CHD6: variants seen among roughly 807,000 people sequenced by gnomAD.
CHD6 encodes the protein chromodomain helicase DNA binding protein 6, also known as ATP-dependent chromatin remodeler CHD6.
In CHD6, 50 loss-of-function variants were observed where a neutral mutation model predicts 276.9. That is an observed-to-expected ratio of 0.18 (90% confidence interval 0.14 to 0.23). CHD6 has a LOEUF of 0.23. Among genes scored for constraint, CHD6 ranks in the 10% least tolerant of loss-of-function variants. CHD6 has a pLI of 1.00. For synonymous variants in CHD6, 1,173 were observed against 1,229.3 expected, an observed-to-expected ratio of 0.95 and a Z score of 0.96; for missense variants, 2,564 against 3,365.8, an observed-to-expected ratio of 0.76 and a Z score of 5.89.
At chr20:41,537,222 C>T (rs1251828708) in intron 2 of CHD6, among the ~76,000 whole-genome samples, 1 of 152,142 alleles carries the variant, frequency 6.6e-6, no homozygotes, top group Non-Finnish European at 1.5e-5. Flanking sequence ...CAAGAAAGTA[C>T]AGTTGGCCCT....
intron 2 of CHD6, among the ~76,000 whole-genome samples, chr20:41,540,680 T>C (rs995037639): frequency 3.9e-5 from 6 of 152,118 alleles, no homozygotes; most frequent in African/African-American, 1.2e-4. Flanking sequence ...CCAACCCAAG[T>C]AGTGAGCAAG....
intron 1 of CHD6, among the ~76,000 whole-genome samples, chr20:41,580,250 C>T (rs920739724): frequency 6.6e-6 from 1 of 152,114 alleles, no homozygotes; most frequent in African/African-American, 2.4e-5. Flanking sequence ...CCTTTGTATC[C>T]TTTCTTGTTG....
chr20:41,579,800 GATATAT>G lies in CHD6; in HGVS notation c.-23-28446_-23-28441del, dbSNP rs750775267. 2.0e-5 allele frequency among the ~76,000 whole-genome samples: 3 copies of G among 152,042 alleles called. No individual in the cohort carries two copies. In the South Asian group the frequency reaches 6.2e-4, roughly 32 times the overall value. On this transcript the variant is annotated intron_variant, in intron 1 of 36. Coordinates refer to ENST00000373233, the MANE Select transcript of CHD6 (RefSeq NM_032221.5). ...ACCACTAAAACATGTTTTTAAACAT[GATATAT>G]ATATTTCTAAGAGTTCAACAGCTTG... is the stretch of plus-strand genomic sequence containing the variant.
chr20:41,534,572 A>G (rs955301201), intron 2 of CHD6, among the ~76,000 whole-genome samples: 2 of 141,200 alleles, frequency 1.4e-5, no homozygotes, highest in South Asian at 4.5e-4. Context: ...GAAAGGAAAG[A>G]TTTTTGGGGG....
At chr20:41,429,041 T>C (rs562813336) in intron 27 of CHD6, among the ~76,000 whole-genome samples, 5 of 152,338 alleles carry the variant, frequency 3.3e-5, no homozygotes, top group Admixed American at 6.5e-5. Flanking sequence ...CTGCAAGTTC[T>C]TGGCCATGAC....
At chr20:41,612,433 G>A (rs1014011907) in intron 1 of CHD6, among the ~76,000 whole-genome samples, 4 of 152,090 alleles carry the variant, frequency 2.6e-5, no homozygotes, top group Non-Finnish European at 5.9e-5. Context: ...TATTATACCA[G>A]GTTTGCTTAA....
rs904813739 is a variant in CHD6, at chr20:41,602,694, T to C, written c.-24+15646A>G. Among the ~76,000 whole-genome samples, 63 of 152,176 alleles carry C rather than the reference T, an allele frequency of 4.1e-4. 1 individual carries two copies. The highest frequency in any genetic ancestry group is 1.4e-3 in the African/African-American group (60 of 41,434). On this transcript the variant is annotated intron_variant, in intron 1 of 36. Transcript: ENST00000373233. ...CCAGAATTTTAAAAGGACAATTTTA[T>C]AGCATGTAAATTATATTTCAGTAAA...
chr20:41,430,598 G>C (rs1244345957), intron 27 of CHD6, among the ~76,000 whole-genome samples: 1 of 152,204 alleles, frequency 6.6e-6, no homozygotes, highest in Non-Finnish European at 1.5e-5. Flanking sequence ...GTGATCTAGT[G>C]GTTGTGAGAA....
intron 1 of CHD6, among the ~76,000 whole-genome samples, chr20:41,590,104 G>C (rs1012211506): frequency 6.6e-6 from 1 of 152,126 alleles, no homozygotes; most frequent in Non-Finnish European, 1.5e-5. Flanking sequence ...ACAAAAACAA[G>C]AAATGGGGAA....
intron 36 of CHD6, among the ~76,000 whole-genome samples, chr20:41,405,948 T>C (rs1359352497): frequency 6.6e-6 from 1 of 152,072 alleles, no homozygotes; most frequent in Non-Finnish European, 1.5e-5. Context: ...AGGGTTTTAA[T>C]CCCAAGTTTA....
chr20:41,542,173 C>G (rs1239641826), intron 2 of CHD6, among the ~76,000 whole-genome samples: 1 of 152,134 alleles, frequency 6.6e-6, no homozygotes, highest in Non-Finnish European at 1.5e-5. Context: ...CCAACAAAGG[C>G]CAGGAGATAC....
rs1378671702 is a variant in CHD6, at chr20:41,405,398, C to G, written c.7343G>C (p.Ser2448Thr). The G allele has an allele frequency of 1.2e-6, 2 of 1,613,674 alleles. No homozygotes were observed. Among genetic ancestry groups the G allele is most frequent in the Non-Finnish European group, 1.7e-6 (2 of 1,179,712 alleles). Residue 2448 changes from serine to threonine, a missense_variant, in exon 37 of 37, where the codon AGC (serine) becomes ACC (threonine). Around this residue, in one of 7 missense-constraint regions of CHD6, gnomAD observed 1,024 missense variants for 1,047.9 expected, o/e 0.98. Transcript: ENST00000373233. ...GPRRRGRRPR[S>T]ELLKAPSIVA... ...AATGGAAGGAGCCTTCAGGAGTTCG[C>G]TCCGAGGCCGCCTCCCCCTCCTGCG...
intron 1 of CHD6, among the ~76,000 whole-genome samples, chr20:41,600,931 C>T (rs1039710524): frequency 1.3e-5 from 2 of 152,262 alleles, no homozygotes; most frequent in Non-Finnish European, 2.9e-5. Context: ...GGCATAGGAT[C>T]CCAATGGCAT....
At chr20:41,498,370 T>C in intron 6 of CHD6, 144 bp from the exon 7 acceptor site, 1 of 653,176 alleles carries the variant, frequency 1.5e-6, no homozygotes, top group Non-Finnish European at 2.7e-6. Flanking sequence ...GGCCTTTTCC[T>C]GACACCTATT....
chr20:41,500,634 T>C (rs1001136403), intron 5 of CHD6, among the ~76,000 whole-genome samples: 1 of 152,114 alleles, frequency 6.6e-6, no homozygotes, highest in Admixed American at 6.6e-5. Context: ...GTTTAAGTAT[T>C]TGCTCTGCTT....
intron 3 of CHD6, among the ~76,000 whole-genome samples, chr20:41,520,564 A>G (rs529421288): frequency 0.021 from 3,111 of 151,576 alleles, 53 homozygotes; most frequent in Non-Finnish European, 0.033. Context: ...GCAAACTATC[A>G]CAAGGACAAA....
intron 1 of CHD6, among the ~76,000 whole-genome samples, chr20:41,584,102 A>G (rs1047524374): frequency 6.6e-6 from 1 of 152,154 alleles, no homozygotes; most frequent in African/African-American, 2.4e-5. Context: ...ATATGTTTCT[A>G]TAAGAAATCC....
At chr20:41,508,698 C>T (rs561165721) in intron 5 of CHD6, among the ~76,000 whole-genome samples, 18 of 152,224 alleles carry the variant, frequency 1.2e-4, no homozygotes, top group Non-Finnish European at 2.5e-4. Context: ...CCCCAACAGA[C>T]ACTTCTGCAC....
Position 41,499,304 on chromosome 20 carries a change from A to C in CHD6, c.906T>G (p.Thr302=), listed in dbSNP as rs1330700804. 6.2e-7 allele frequency: 1 copy of C among 1,606,994 alleles called. No individual in the cohort carries two copies. The highest frequency in any genetic ancestry group is 2.2e-5 in the East Asian group (1 of 44,608). ...NIIEKILASK[T]VQEVHPGEPP... is the part of the protein sequence containing the mutation. ...AACATGAGCCACCAACCTCCTGGAC[A>C]GTCTTAGATGCCAGGATCTTCTCAA... is the stretch of plus-strand genomic sequence containing the variant. The change falls in exon 6 of 37, where the codon ACT becomes ACG. Residue 302 remains threonine (T), a synonymous_variant. Transcript: ENST00000373233.
Sources: gnomAD v4.1 joint callset for allele counts (sites outside exome capture counted in the v4.1 genomes callset) on GRCh38, gnomAD v4.1.1 for gene constraint, gnomAD v4.1.1 regional missense constraint, MANE v1.5 for transcripts, NCBI Gene and HGNC (gene_info 2026-07-23, HGNC 2026-07-21) for gene names.